MIPOL1: variants seen among roughly 807,000 people sequenced by gnomAD.
The protein encoded by MIPOL1 is mirror-image polydactyly 1, also known as mirror-image polydactyly gene 1 protein.
A neutral mutation model predicts 60.9 loss-of-function variants in MIPOL1; 57 were observed. The observed-to-expected ratio is 0.94, with a 90% CI of 0.76 to 1.17. The LOEUF (loss-of-function observed/expected upper bound fraction) is 1.17. Ranked by LOEUF, MIPOL1 falls within the 50% of genes most tolerant of loss-of-function variation. MIPOL1 has a pLI of 0.00. For synonymous variants in MIPOL1, 179 were observed against 168.8 expected, an observed-to-expected ratio of 1.06 and a Z score of -0.47; for missense variants, 551 against 511.6, an observed-to-expected ratio of 1.08 and a Z score of -0.74.
intron 10 of MIPOL1, among the ~76,000 whole-genome samples, chr14:37,421,670 T>C (rs2093875068): frequency 6.6e-6 from 1 of 152,078 alleles, no homozygotes; most frequent in South Asian, 2.1e-4. Context: ...ATTTACCAGT[T>C]CAGAGAACAG....
At chr14:37,252,971 A>ATTCTACC (rs1974346577) in intron 3 of MIPOL1, among the ~76,000 whole-genome samples, 1 of 151,858 alleles carries the variant, frequency 6.6e-6, no homozygotes, top group South Asian at 2.1e-4. Flanking sequence ...GGTAGAAAAA[A>ATTCTACC]AGCTATTTCC....
intron 11 of MIPOL1, among the ~76,000 whole-genome samples, chr14:37,462,258 GC>G (rs2094548367): frequency 6.6e-6 from 1 of 152,216 alleles, no homozygotes; most frequent in African/African-American, 2.4e-5. Flanking sequence ...CATGGCCTGA[GC>G]TCTACATTGG....
chr14:37,323,398 G>A (rs547248803), intron 9 of MIPOL1, among the ~76,000 whole-genome samples: 184 of 152,048 alleles, frequency 1.2e-3, no homozygotes, highest in Non-Finnish European at 2.3e-3. Flanking sequence ...ATAGTTTGAA[G>A]TCAGTTAGCG....
intron 10 of MIPOL1, among the ~76,000 whole-genome samples, chr14:37,416,792 A>T (rs182110205): frequency 3.6e-4 from 55 of 152,272 alleles, no homozygotes; most frequent in African/African-American, 1.3e-3. Context: ...GGACTTGGAC[A>T]TCTTTCATTA....
chr14:37,241,959 C>T (rs1006406427), intron 1 of MIPOL1, among the ~76,000 whole-genome samples: 12 of 127,548 alleles, frequency 9.4e-5, no homozygotes, highest in South Asian at 2.4e-4. Context: ...CAAGCAAACA[C>T]GCCAGCAAGC....
intron 9 of MIPOL1, among the ~76,000 whole-genome samples, chr14:37,345,819 C>CATACTG (rs1344635860): frequency 1.3e-5 from 2 of 152,160 alleles, no homozygotes; most frequent in Admixed American, 6.5e-5. Context: ...TATGTGTGTT[C>CATACTG]ATACTGATAT....
intron 10 of MIPOL1, among the ~76,000 whole-genome samples, chr14:37,407,565 T>C (rs566231778): frequency 3.9e-5 from 6 of 152,278 alleles, no homozygotes; most frequent in East Asian, 3.9e-4. Flanking sequence ...CAGAGACTTA[T>C]AACACACACC....
chr14:37,218,594 G>T (rs965393797), intron 1 of MIPOL1, among the ~76,000 whole-genome samples: 2 of 152,102 alleles, frequency 1.3e-5, no homozygotes, highest in Non-Finnish European at 2.9e-5. Context: ...TTCTGCCATT[G>T]TTGGATGGGG....
chr14:37,358,140 T>G (rs1399323626), intron 9 of MIPOL1, among the ~76,000 whole-genome samples: 1 of 152,162 alleles, frequency 6.6e-6, no homozygotes, highest in African/African-American at 2.4e-5. Flanking sequence ...GTTTCCAGCT[T>G]CATCCATGTC....
intron 11 of MIPOL1, among the ~76,000 whole-genome samples, chr14:37,447,798 T>A (rs2094359379): frequency 6.6e-6 from 1 of 152,076 alleles, no homozygotes; most frequent in African/African-American, 2.4e-5. Flanking sequence ...TTAATTCCAG[T>A]GAGCTGTTTT....
Position 37,212,611 on chromosome 14 carries a change from A to G in MIPOL1, c.-199+14507A>G, listed in dbSNP as rs893681953. Among the ~76,000 whole-genome samples, 62 of 152,120 alleles carry G rather than the reference A, an allele frequency of 4.1e-4. 1 individual carries two copies. Among genetic ancestry groups the G allele is most frequent in the African/African-American group, 2.4e-5 (1 of 41,422 alleles). ...CTCTACTCCCTGACTCTTGTATGGC[A>G]CTTCAGGACCCACCTGGGGCCTGGG... is the stretch of plus-strand genomic sequence containing the variant. On this transcript the variant is annotated intron_variant, in intron 1 of 12. Transcript: ENST00000684589.
At chr14:37,439,286 A>G (rs1348345288) in intron 11 of MIPOL1, among the ~76,000 whole-genome samples, 8 of 152,196 alleles carry the variant, frequency 5.3e-5, no homozygotes, top group African/African-American at 1.9e-4. Flanking sequence ...AACCAATAAG[A>G]TTCTGATAGA....
At chr14:37,514,449 A>G (rs145403634) in intron 12 of MIPOL1, among the ~76,000 whole-genome samples, 79 of 152,280 alleles carry the variant, frequency 5.2e-4, no homozygotes, top group African/African-American at 1.7e-3. Flanking sequence ...TTAGATTTTT[A>G]GAAGTTTTGG....
At chr14:37,372,701 G>T (rs1168630203) in intron 10 of MIPOL1, among the ~76,000 whole-genome samples, 1 of 149,774 alleles carries the variant, frequency 6.7e-6, no homozygotes, top group African/African-American at 2.5e-5. Context: ...GTTGCAGTGA[G>T]CAGAGATTGT....
chr14:37,331,553 GT>G (rs71127208), intron 9 of MIPOL1, among the ~76,000 whole-genome samples: 217 of 141,776 alleles, frequency 1.5e-3, no homozygotes, highest in African/African-American at 5.4e-3. Flanking sequence ...TTACATTCTT[GT>G]TTTTTTTTTC....
intron 10 of MIPOL1, among the ~76,000 whole-genome samples, chr14:37,404,722 G>A (rs551063099): frequency 1.2e-4 from 18 of 152,138 alleles, no homozygotes; most frequent in Non-Finnish European, 2.5e-4. Context: ...AGAAGGATAG[G>A]AGCTTTTTGT....
intron 1 of MIPOL1, among the ~76,000 whole-genome samples, chr14:37,236,080 C>G (rs539678885): frequency 6.8e-4 from 104 of 151,966 alleles, no homozygotes; most frequent in Admixed American, 9.8e-4. Context: ...GCGCATGCCA[C>G]CATGCCCAGC....
intron 1 of MIPOL1, among the ~76,000 whole-genome samples, chr14:37,238,857 G>A (rs1040193372): frequency 4.0e-5 from 6 of 151,766 alleles, no homozygotes; most frequent in African/African-American, 1.5e-4. Context: ...GGAGGCCAAG[G>A]CAGGGGTATT....
At chr14:37,304,819 T>C (rs867758875) in intron 7 of MIPOL1, among the ~76,000 whole-genome samples, 10 of 151,790 alleles carry the variant, frequency 6.6e-5, no homozygotes, top group South Asian at 4.1e-4. Flanking sequence ...CCCATAGACA[T>C]TTACTTCAGC....
Sources: allele counts gnomAD v4.1 joint callset (sites outside exome capture counted in the v4.1 genomes callset), GRCh38; gene constraint gnomAD v4.1.1; transcripts MANE v1.5; gene names NCBI Gene and HGNC (gene_info 2026-07-23, HGNC 2026-07-21).